The following ZMAT4 variants were observed in gnomAD, a reference collection of about 807,000 sequenced individuals.
ZMAT4 encodes the protein zinc finger matrin-type protein 4.
A neutral mutation model predicts 28.7 loss-of-function variants in ZMAT4; 17 were observed. The ratio of observed to expected loss-of-function variants is 0.59; its 90% CI spans 0.41 to 0.89. ZMAT4 has a LOEUF of 0.89. Ranked by LOEUF, ZMAT4 falls within the 40% of genes least tolerant of loss-of-function variation. The pLI, the probability that ZMAT4 is intolerant of heterozygous loss-of-function variation, is 0.00. For missense variants in ZMAT4, 240 were observed against 283.8 expected, an observed-to-expected ratio of 0.85 and a Z score of 1.11; for synonymous variants, 117 against 109.2, an observed-to-expected ratio of 1.07 and a Z score of -0.44.
chr8:40,588,546 G>C (rs1477289472), intron 5 of ZMAT4, among the ~76,000 whole-genome samples: 2 of 151,818 alleles, frequency 1.3e-5, no homozygotes, highest in Non-Finnish European at 2.9e-5. Flanking sequence ...GTGTCATCAG[G>C]GAAATACAAA....
intron 3 of ZMAT4, among the ~76,000 whole-genome samples, chr8:40,723,678 A>G (rs145074441): frequency 6.6e-6 from 1 of 152,104 alleles, no homozygotes; most frequent in African/African-American, 2.4e-5. Context: ...ACCAGATTTT[A>G]TATTATTCCT....
intron 5 of ZMAT4, among the ~76,000 whole-genome samples, chr8:40,602,585 T>C (rs1026104478): frequency 2.0e-5 from 3 of 152,210 alleles, no homozygotes; most frequent in Admixed American, 1.3e-4. Flanking sequence ...TAAAGTGATA[T>C]TGCTTTGTAG....
intron 3 of ZMAT4, among the ~76,000 whole-genome samples, chr8:40,759,548 C>T (rs1308173109): frequency 6.6e-6 from 1 of 152,242 alleles, no homozygotes; most frequent in Admixed American, 6.5e-5. Context: ...AGGATGAGAA[C>T]CCTCGCCAGA....
At chr8:40,602,975 C>G (rs1335459038) in intron 5 of ZMAT4, among the ~76,000 whole-genome samples, 1 of 152,104 alleles carries the variant, frequency 6.6e-6, no homozygotes, top group Non-Finnish European at 1.5e-5. Flanking sequence ...TGGTCATGAA[C>G]TCTTTGTCCA....
chr8:40,666,797 AT>A (rs1034339813), intron 5 of ZMAT4, among the ~76,000 whole-genome samples: 1 of 152,156 alleles, frequency 6.6e-6, no homozygotes, highest in Non-Finnish European at 1.5e-5. Flanking sequence ...TTATACACAC[AT>A]TTTTTTCAAT....
At chr8:40,714,268 C>T (rs1246106669) in intron 3 of ZMAT4, among the ~76,000 whole-genome samples, 3 of 152,010 alleles carry the variant, frequency 2.0e-5, no homozygotes, top group African/African-American at 7.2e-5. Flanking sequence ...AGGATTTGAG[C>T]AAATACATAC....
chr8:40,819,373 A>G (rs1467425169), intron 2 of ZMAT4, among the ~76,000 whole-genome samples: 2 of 152,174 alleles, frequency 1.3e-5, no homozygotes, highest in Non-Finnish European at 2.9e-5. Context: ...GTACAGACCA[A>G]TGCTCAATGT....
intron 3 of ZMAT4, among the ~76,000 whole-genome samples, chr8:40,751,401 G>T (rs1812446344): frequency 6.6e-6 from 1 of 151,906 alleles, no homozygotes; most frequent in Admixed American, 6.6e-5. Flanking sequence ...GTGGGGAGTA[G>T]GTGCCACACA....
At chr8:40,822,713 C>T (rs1427742585) in intron 2 of ZMAT4, among the ~76,000 whole-genome samples, 1 of 152,174 alleles carries the variant, frequency 6.6e-6, no homozygotes, top group African/African-American at 2.4e-5. Context: ...AGCAGCTTTG[C>T]GGCAAGAATG....
At chr8:40,861,359 CT>C (rs1416801910) in intron 1 of ZMAT4, among the ~76,000 whole-genome samples, 1 of 152,222 alleles carries the variant, frequency 6.6e-6, no homozygotes, top group East Asian at 1.9e-4. Flanking sequence ...GCTGGGAAAA[CT>C]GGCTAGCCAT....
intron 5 of ZMAT4, among the ~76,000 whole-genome samples, chr8:40,596,283 G>A (rs574541286): frequency 5.7e-4 from 87 of 152,242 alleles, no homozygotes; most frequent in African/African-American, 1.9e-3. Context: ...AACACTGTAC[G>A]CTTAGGCTAC....
At chr8:40,725,563 G>A (rs940735327) in intron 3 of ZMAT4, among the ~76,000 whole-genome samples, 2 of 152,222 alleles carry the variant, frequency 1.3e-5, no homozygotes, top group East Asian at 1.9e-4. Context: ...TGTGCTTTGC[G>A]GATCCTCTGC....
intron 1 of ZMAT4, among the ~76,000 whole-genome samples, chr8:40,855,679 CT>C (rs34420719): frequency 0.29 from 40,566 of 139,686 alleles, 5,638 homozygotes; most frequent in East Asian, 0.53. Flanking sequence ...TTCACCAAAA[CT>C]TTTTTTTTTT....
chr8:40,824,045 C>T (rs1815929438), intron 2 of ZMAT4, among the ~76,000 whole-genome samples: 1 of 152,126 alleles, frequency 6.6e-6, no homozygotes, highest in Non-Finnish European at 1.5e-5. Context: ...GAGGAGTATG[C>T]AGGGCCCATT....
At chr8:40,771,107 C>T (rs1233265033) in intron 2 of ZMAT4, among the ~76,000 whole-genome samples, 1 of 151,780 alleles carries the variant, frequency 6.6e-6, no homozygotes, top group Admixed American at 6.6e-5. Context: ...ATAAAGCAGC[C>T]GTGGCATGCC....
intron 1 of ZMAT4, among the ~76,000 whole-genome samples, chr8:40,867,078 A>G (rs1239961474): frequency 2.0e-5 from 3 of 152,142 alleles, no homozygotes; most frequent in Non-Finnish European, 4.4e-5. Flanking sequence ...CACCATTGGA[A>G]GGCAACATCG....
At chr8:40,577,639 G>A (rs1206490956) in intron 6 of ZMAT4, among the ~76,000 whole-genome samples, 1 of 152,116 alleles carries the variant, frequency 6.6e-6, no homozygotes, top group East Asian at 1.9e-4. Flanking sequence ...AGCTAGAAGA[G>A]AGGATTGTAA....
In ZMAT4 at chr8:40,655,059, T is replaced by TACACACACACACACACACACACAC. The variant is rs3038823; in HGVS notation, c.577+19644_577+19645insGTGTGTGTGTGTGTGTGTGTGTGT. Among the ~76,000 whole-genome samples, 627 of 148,880 alleles carry TACACACACACACACACACACACAC rather than the reference T, an allele frequency of 4.2e-3. 4 individuals carry two copies. Among genetic ancestry groups the TACACACACACACACACACACACAC allele is most frequent in the African/African-American group, 0.015 (593 of 40,564 alleles). ...TATTTAGAAAATCCTAAGGAATACC[T>TACACACACACACACACACACACAC]ACACACACACACACACACACACAGC... On this transcript the variant is annotated intron_variant, in intron 5 of 6. Coordinates refer to ENST00000297737, the MANE Select transcript of ZMAT4 (RefSeq NM_024645.3).
At chr8:40,853,605 A>G (rs1052769355) in intron 1 of ZMAT4, among the ~76,000 whole-genome samples, 1 of 152,182 alleles carries the variant, frequency 6.6e-6, no homozygotes, top group Non-Finnish European at 1.5e-5. Context: ...CAGCAAGGAC[A>G]TTCCTAAGTA....
Sources: allele counts gnomAD v4.1 joint callset (sites outside exome capture counted in the v4.1 genomes callset), GRCh38; gene constraint gnomAD v4.1.1; transcripts MANE v1.5; gene names NCBI Gene and HGNC (gene_info 2026-07-23, HGNC 2026-07-21).